Variants in KCNIP1 observed in about 807,000 individuals in gnomAD.
KCNIP1 encodes the protein potassium voltage-gated channel interacting protein 1.
A neutral mutation model predicts 33.0 loss-of-function variants in KCNIP1; 18 were observed. The ratio of observed to expected loss-of-function variants is 0.55; its 90% CI spans 0.38 to 0.81. The LOEUF (loss-of-function observed/expected upper bound fraction) is 0.81. Ranked by LOEUF, KCNIP1 falls within the 30% of genes least tolerant of loss-of-function variation. KCNIP1 has a pLI of 0.00. For missense variants in KCNIP1, 238 were observed against 271.6 expected (o/e 0.88, Z 0.87); for synonymous variants, 93 against 98.3 (o/e 0.95, Z 0.32).
At chr5:170,442,101 T>C (rs1756007175) in intron 1 of KCNIP1, among the ~76,000 whole-genome samples, 1 of 152,130 alleles carries the variant, frequency 6.6e-6, no homozygotes, top group South Asian at 2.1e-4. Flanking sequence ...CCCAAACCTT[T>C]ATGAAGCATC....
At chr5:170,728,170 T>C (rs1764071694) in intron 5 of KCNIP1, among the ~76,000 whole-genome samples, 1 of 152,186 alleles carries the variant, frequency 6.6e-6, no homozygotes, top group Non-Finnish European at 1.5e-5. Context: ...TTCAGCATAA[T>C]AGAAAATACC....
At chr5:170,564,629 C>A (rs944667519) in intron 1 of KCNIP1, among the ~76,000 whole-genome samples, 1 of 152,200 alleles carries the variant, frequency 6.6e-6, no homozygotes, top group African/African-American at 2.4e-5. Flanking sequence ...AACTTCCCAG[C>A]CAGGTGTGTG....
intron 1 of KCNIP1, among the ~76,000 whole-genome samples, chr5:170,426,690 G>C (rs1277611135): frequency 6.6e-6 from 1 of 152,264 alleles, no homozygotes; most frequent in African/African-American, 2.4e-5. Context: ...ATTGCTGTCA[G>C]CATTGTCTGA....
intron 1 of KCNIP1, among the ~76,000 whole-genome samples, chr5:170,497,187 G>GTGAA (rs932278220): frequency 4.4e-4 from 67 of 152,166 alleles, no homozygotes. Context: ...GAATGAATGA[G>GTGAA]TGAATGAATG....
At chr5:170,557,354 G>C (rs1581322051) in intron 1 of KCNIP1, among the ~76,000 whole-genome samples, 1 of 152,180 alleles carries the variant, frequency 6.6e-6, no homozygotes, top group East Asian at 1.9e-4. Flanking sequence ...CTGAAGATGG[G>C]TCCATTGCGA....
intron 1 of KCNIP1, among the ~76,000 whole-genome samples, chr5:170,696,552 T>C (rs1762900490): frequency 6.6e-6 from 1 of 151,960 alleles, no homozygotes; most frequent in Non-Finnish European, 1.5e-5. Context: ...TGAAACGAGA[T>C]TTGAGAGAGG....
intron 1 of KCNIP1, among the ~76,000 whole-genome samples, chr5:170,359,582 C>G (rs763898092): frequency 1.3e-5 from 2 of 152,188 alleles, no homozygotes; most frequent in Non-Finnish European, 2.9e-5. Flanking sequence ...ACCCTGGAAC[C>G]TCTGAGTGCC....
chr5:170,735,977 G>C lies in KCNIP1; in HGVS notation c.*171G>C, dbSNP rs1161919829. On this transcript the variant is annotated 3_prime_UTR_variant, in exon 8 of 8. Transcript: ENST00000328939. ...TTTCTATGGAACCCAGCATCATGTG[G>C]CTCAGTCTCTGATTGCCAACTCTTC... The C allele has an allele frequency of 1.7e-6, 1 of 588,574 alleles. No homozygotes were observed. Among genetic ancestry groups the C allele is most frequent in the Admixed American group, 2.9e-5 (1 of 34,562 alleles). The allele number at this position is 588,574 out of a possible 1,614,324, so 36.5% of individuals were successfully genotyped here.
At chr5:170,418,918 T>A (rs1755404700) in intron 1 of KCNIP1, among the ~76,000 whole-genome samples, 1 of 152,228 alleles carries the variant, frequency 6.6e-6, no homozygotes. Flanking sequence ...TATTTACATT[T>A]CTTTTCTGGA....
chr5:170,476,701 G>T (rs979335205), intron 1 of KCNIP1, among the ~76,000 whole-genome samples: 15 of 152,100 alleles, frequency 9.9e-5, no homozygotes, highest in East Asian at 9.6e-4. Context: ...ACAGAAAATC[G>T]CCTGTTTCTG....
intron 1 of KCNIP1, among the ~76,000 whole-genome samples, chr5:170,630,865 G>T (rs1760028137): frequency 6.6e-6 from 1 of 152,306 alleles, no homozygotes; most frequent in Middle Eastern, 3.4e-3. Context: ...CTGAGGCTCA[G>T]AGGGAGACTT....
intron 1 of KCNIP1, among the ~76,000 whole-genome samples, chr5:170,374,117 G>C (rs1763923097): frequency 6.6e-6 from 1 of 152,212 alleles, no homozygotes; most frequent in Non-Finnish European, 1.5e-5. Flanking sequence ...AGTTTGCAAT[G>C]CCCTGACCCA....
At chr5:170,528,323 C>T (rs564619277) in intron 1 of KCNIP1, among the ~76,000 whole-genome samples, 1 of 152,200 alleles carries the variant, frequency 6.6e-6, no homozygotes, top group Non-Finnish European at 1.5e-5. Flanking sequence ...ACTTCTAAAG[C>T]CTCTTAGACC....
rs116353377 is a variant in KCNIP1 at position 170,455,795 on chromosome 5, T to G, written c.88+101831T>G. On this transcript the variant is annotated intron_variant, in intron 1 of 7. Transcript: ENST00000377360. ...AATTTATGCAATATAGCTAAAGCAA[T>G]GCTTAGAGGGAAATTTATAGCTCCA... Among the ~76,000 whole-genome samples the G allele has an allele frequency of 2.1e-3, 324 of 152,262 alleles. 5 individuals carry two copies. The highest frequency in any genetic ancestry group is 7.2e-3 in the African/African-American group (301 of 41,532).
chr5:170,431,516 G>A (rs1343636408), intron 1 of KCNIP1, among the ~76,000 whole-genome samples: 1 of 152,222 alleles, frequency 6.6e-6, no homozygotes, highest in Non-Finnish European at 1.5e-5. Context: ...TCCCCACGCA[G>A]CTGAGAAATT....
chr5:170,659,367 G>A (rs1761389673), intron 1 of KCNIP1, among the ~76,000 whole-genome samples: 1 of 152,166 alleles, frequency 6.6e-6, no homozygotes, highest in East Asian at 1.9e-4. Flanking sequence ...AATGACAAAG[G>A]CATGGGTGGG....
In KCNIP1 at chr5:170,573,442, C is replaced by T. The variant is rs146329636; in HGVS notation, c.61+68809C>T. Among the ~76,000 whole-genome samples, 1,449 of 151,874 alleles carry T rather than the reference C, an allele frequency of 9.5e-3. 7 individuals are homozygous for T. The highest frequency in any genetic ancestry group is 0.014 in the Non-Finnish European group (963 of 67,974). On this transcript the variant is annotated intron_variant, in intron 1 of 7. Coordinates refer to ENST00000328939, the MANE Select transcript of KCNIP1 (RefSeq NM_014592.4). ...CAGCGTCTATGAATTCTCCAGGTAA[C>T]CTCTTTACAAAATTTAAAATTTTTC...
At chr5:170,498,630 A>C (rs933946568) in intron 1 of KCNIP1, among the ~76,000 whole-genome samples, 1 of 152,200 alleles carries the variant, frequency 6.6e-6, no homozygotes, top group Non-Finnish European at 1.5e-5. Context: ...CTTCTTGCTC[A>C]TTATTGATCC....
chr5:170,440,081 G>C (rs1309899080), intron 1 of KCNIP1, among the ~76,000 whole-genome samples: 1 of 152,198 alleles, frequency 6.6e-6, no homozygotes, highest in Non-Finnish European at 1.5e-5. Flanking sequence ...CATGTGACTT[G>C]TATCTTCATG....
Sources: allele counts gnomAD v4.1 joint callset (sites outside exome capture counted in the v4.1 genomes callset), GRCh38; gene constraint gnomAD v4.1.1; transcripts MANE v1.5; gene names NCBI Gene and HGNC (gene_info 2026-07-23, HGNC 2026-07-21).